Variants in DMD observed in about 807,000 individuals in gnomAD.
DMD encodes dystrophin, also known as mutant dystrophin.
DMD carries 63 observed loss-of-function variants against 330.1 expected under a neutral mutation model. The ratio of observed to expected loss-of-function variants is 0.19; its 90% CI spans 0.16 to 0.24. The LOEUF is 0.24. Ranked by LOEUF, DMD falls within the 10% of genes least tolerant of loss-of-function variation. The pLI, the probability that DMD is intolerant of heterozygous loss-of-function variation, is 1.00. For synonymous variants in DMD, 1,223 were observed against 959.8 expected, an observed-to-expected ratio of 1.27 and a Z score of -5.07; for missense variants, 3,344 against 2,684.1, an observed-to-expected ratio of 1.25 and a Z score of -5.43.
At chrX:32,216,352 G>T (rs958556423) in intron 44 of DMD, among the ~76,000 whole-genome samples, 6 of 111,617 alleles carry the variant, frequency 5.4e-5, no homozygotes, top group Non-Finnish European at 9.4e-5. Context: ...TCATCCATAT[G>T]CTGTTTCCCT....
At chrX:32,874,431 G>A (rs184556919) in intron 2 of DMD, among the ~76,000 whole-genome samples, 2 of 111,392 alleles carry the variant, frequency 1.8e-5, no homozygotes, top group Non-Finnish European at 3.8e-5. Flanking sequence ...CCTAAAAACT[G>A]CCAGTTTTCT....
chrX:32,351,191 T>C (rs1045078575), intron 37 of DMD, among the ~76,000 whole-genome samples: 1 of 111,106 alleles, frequency 9.0e-6, no homozygotes, highest in Non-Finnish European at 1.9e-5. Flanking sequence ...ACATGCTCTA[T>C]AAATCTTGGG....
chrX:32,255,437 C>CA lies in DMD; in HGVS notation c.6290+32091dup, dbSNP rs11296507. Among the ~76,000 whole-genome samples, 132 of 95,482 alleles carry CA rather than the reference C, an allele frequency of 1.4e-3. 1 individual carries two copies. Among genetic ancestry groups the CA allele is most frequent in the African/African-American group, 2.4e-3 (64 of 26,718 alleles). The allele number at this position is 95,482 out of a possible 115,157, so 82.9% of individuals were successfully genotyped here. Reference sequence around the variant, plus strand: ...TACATATTGTCTATGGTTGCTTTTGCAAAAAAAAAAAAAAATGGCAGAGTT... The same window carrying CA: ...TACATATTGTCTATGGTTGCTTTTGCAAAAAAAAAAAAAAAATGGCAGAGTT... On this transcript the variant is annotated intron_variant, in intron 43 of 78. Transcript: ENST00000357033.
chrX:31,433,679 G>C (rs748827092), intron 60 of DMD, among the ~76,000 whole-genome samples: 1 of 110,361 alleles, frequency 9.1e-6, no homozygotes, highest in South Asian at 3.9e-4. Flanking sequence ...GGCTGGTCTC[G>C]AACTCCTAAC....
intron 60 of DMD, among the ~76,000 whole-genome samples, chrX:31,430,424 A>G (rs2063974767): frequency 9.0e-6 from 1 of 111,694 alleles, no homozygotes; most frequent in Admixed American, 9.5e-5. Flanking sequence ...TTGGTGTAAG[A>G]GCAGAAAAGG....
chrX:32,899,451 G>GGATCACGA (rs1182187495), intron 2 of DMD, among the ~76,000 whole-genome samples: 1 of 110,119 alleles, frequency 9.1e-6, no homozygotes, highest in Non-Finnish European at 1.9e-5. Flanking sequence ...TGAGGCGGGC[G>GGATCACGA]GATCACGAGA....
chrX:32,229,185 G>T (rs2097158659), intron 43 of DMD, among the ~76,000 whole-genome samples: 1 of 110,242 alleles, frequency 9.1e-6, no homozygotes, highest in African/African-American at 3.3e-5. Flanking sequence ...CTATCCTCTT[G>T]GAAATAAATC....
At chrX:32,557,284 CTTT>C (rs991883946) in intron 16 of DMD, among the ~76,000 whole-genome samples, 1 of 111,493 alleles carries the variant, frequency 9.0e-6, no homozygotes. Flanking sequence ...TGGTGGTTTC[CTTT>C]TAAGGGGTGT....
At chrX:32,544,307 G>A (rs541152517) in intron 17 of DMD, among the ~76,000 whole-genome samples, 3 of 111,772 alleles carry the variant, frequency 2.7e-5, no homozygotes, top group African/African-American at 9.7e-5. Flanking sequence ...ATCTGACATG[G>A]TATTTTTAGA....
intron 9 of DMD, among the ~76,000 whole-genome samples, chrX:32,655,438 T>C (rs766576043): frequency 6.7e-4 from 75 of 112,216 alleles, no homozygotes; most frequent in African/African-American, 1.8e-3. Context: ...TTCCATGTAG[T>C]TGAGTGGTTT....
intron 2 of DMD, among the ~76,000 whole-genome samples, chrX:33,003,806 G>T (rs900960924): frequency 1.8e-5 from 2 of 112,190 alleles, no homozygotes; most frequent in Non-Finnish European, 3.8e-5. Context: ...CTTCCAGAAT[G>T]TATGCACATA....
chrX:33,080,283 AT>A (rs978282202), intron 1 of DMD, among the ~76,000 whole-genome samples: 5 of 109,007 alleles, frequency 4.6e-5, no homozygotes, highest in Middle Eastern at 4.8e-3. Flanking sequence ...TACCCACAGA[AT>A]TTTTTTTTTC....
chrX:32,357,192 T>G, intron 37 of DMD, among the ~76,000 whole-genome samples: 1 of 112,097 alleles, frequency 8.9e-6, no homozygotes. Context: ...CCAGGCCTAT[T>G]ATTGGAATTT....
intron 1 of DMD, among the ~76,000 whole-genome samples, chrX:33,254,306 G>C (rs1040691187): frequency 1.0e-5 from 1 of 99,301 alleles, no homozygotes; most frequent in Admixed American, 1.0e-4. Context: ...TTAAATATTT[G>C]CTCTCAGGTT....
At chrX:33,329,978 G>T (rs2054145676) in intron 1 of DMD, among the ~76,000 whole-genome samples, 1 of 111,344 alleles carries the variant, frequency 9.0e-6, no homozygotes, top group African/African-American at 3.3e-5. Context: ...AATTACTAAT[G>T]AATGTTGGGA....
intron 9 of DMD, 71 bp downstream of exon 9, chrX:32,697,799 G>A: frequency 8.4e-7 from 1 of 1,188,274 alleles, no homozygotes; most frequent in Non-Finnish European, 1.1e-6. Context: ...ATTCAAGCAA[G>A]TAAAAGCAGT....
At chrX:31,165,305 C>T (rs1315147263) in intron 74 of DMD, among the ~76,000 whole-genome samples, 1 of 111,934 alleles carries the variant, frequency 8.9e-6, no homozygotes, top group African/African-American at 3.2e-5. Flanking sequence ...TCTTACTGCC[C>T]AACAAGACAT....
intron 60 of DMD, among the ~76,000 whole-genome samples, chrX:31,377,160 A>G (rs1472734016): frequency 9.0e-6 from 1 of 111,701 alleles, no homozygotes; most frequent in Non-Finnish European, 1.9e-5. Context: ...TGGTAGTGAG[A>G]GTAGAGCGGG....
At chrX:32,828,498 CAT>C (rs750669648) in intron 4 of DMD, among the ~76,000 whole-genome samples, 5 of 108,954 alleles carry the variant, frequency 4.6e-5, no homozygotes, top group African/African-American at 1.3e-4. Flanking sequence ...TACATCTATA[CAT>C]ATATATATAC....
Sources: allele counts gnomAD v4.1 joint callset (sites outside exome capture counted in the v4.1 genomes callset), GRCh38; gene constraint gnomAD v4.1.1; transcripts MANE v1.5; gene names NCBI Gene and HGNC (gene_info 2026-07-23, HGNC 2026-07-21).